Variants in ABCG1 observed in about 807,000 individuals in gnomAD.
ABCG1 encodes ATP binding cassette subfamily G member 1, also known as ATP-binding cassette sub-family G member 1.
In ABCG1, 29 loss-of-function variants were observed where a neutral mutation model predicts 69.2. That is an observed-to-expected ratio of 0.42 (90% CI 0.31 to 0.57). ABCG1 has a LOEUF of 0.57. Among genes scored for constraint, ABCG1 ranks in the 20% least tolerant of loss-of-function variants. ABCG1 has a pLI of 0.15. For synonymous variants in ABCG1, 370 were observed against 374.8 expected (o/e 0.99, Z 0.15); for missense variants, 718 against 898.1 (o/e 0.80, Z 2.56).
At chr21:42,210,286 T>C (rs962945860) in intron 2 of ABCG1, among the ~76,000 whole-genome samples, 2 of 152,286 alleles carry the variant, frequency 1.3e-5, no homozygotes, top group South Asian at 2.1e-4. Context: ...GGTTGAGTTC[T>C]ATGGTTGACC....
At chr21:42,253,465 T>G (rs2068255254) in intron 2 of ABCG1, among the ~76,000 whole-genome samples, 1 of 152,232 alleles carries the variant, frequency 6.6e-6, no homozygotes, top group Non-Finnish European at 1.5e-5. Context: ...CAAGAGCTGC[T>G]TTGGGTCTTG....
chr21:42,265,932 C>CCTGGACAGGGTTCTTCTCT (rs2068497434), intron 2 of ABCG1, among the ~76,000 whole-genome samples: 1 of 152,196 alleles, frequency 6.6e-6, no homozygotes, highest in Non-Finnish European at 1.5e-5. Flanking sequence ...GCCTCCCCTT[C>CCTGGACAGGGTTCTTCTCT]CTGGACAGGG....
At chr21:42,254,696 AG>A (rs2068274725) in intron 2 of ABCG1, among the ~76,000 whole-genome samples, 1 of 152,286 alleles carries the variant, frequency 6.6e-6, no homozygotes. Context: ...TAGAGTAAAA[AG>A]GAAATGTCAC....
intron 1 of ABCG1, among the ~76,000 whole-genome samples, chr21:42,221,502 A>T (rs554340292): frequency 9.2e-5 from 14 of 152,294 alleles, no homozygotes; most frequent in Non-Finnish European, 1.8e-4. Flanking sequence ...TTCGGTGGGC[A>T]TACAAGGGGT....
chr21:42,273,550 C>T lies in ABCG1; in HGVS notation c.537+115C>T, dbSNP rs1328635839. 3.8e-5 allele frequency: 49 copies of T among 1,281,934 alleles called. No homozygotes were observed. Among genetic ancestry groups the T allele is most frequent in the Non-Finnish European group, 4.5e-5 (42 of 943,670 alleles). 79.4% of individuals were successfully genotyped at this position (1,281,934 alleles called of 1,614,324 possible). A position where few individuals can be genotyped will look rare whatever the true frequency, so the allele number is the denominator to read the frequency against. On this transcript the variant is annotated intron_variant, in intron 4 of 14. Coordinates refer to ENST00000398449, the MANE Select transcript of ABCG1 (RefSeq NM_016818.3). The surrounding 1 kb of genome is among the most constrained non-coding windows in gnomAD (Gnocchi z 5.3). ...CGAGGGACCCAAGGGCTCTGCCACG[C>T]GGCCTGCACAGGGCCAGCAACCTCC...
chr21:42,211,442 C>T (rs2067588517), upstream of ABCG1, among the ~76,000 whole-genome samples: 1 of 152,110 alleles, frequency 6.6e-6, no homozygotes, highest in African/African-American at 2.4e-5. Flanking sequence ...TTTCTCCACT[C>T]ACCTTTCCCT....
In ABCG1 at chr21:42,288,312, G is replaced by T; in HGVS notation, c.1224G>T (p.Ser408=). 1.3e-6 allele frequency: 2 copies of T among 1,589,612 alleles called. No individual in the cohort carries two copies. Among genetic ancestry groups the T allele is most frequent in the East Asian group, 2.3e-5 (1 of 44,150 alleles). The stretch of plus-strand genomic sequence containing the variant: ...CCTTCCTCAGCATCATGAGGGACTC[G>T]GTAAGGCTGCCCGCATCTTCTCCTG... ...KRTFLSIMRD[S]VLTHLRITSH... is the part of the protein sequence containing the mutation. The change falls in exon 10 of 15, where the codon TCG becomes TCT. Residue 408 remains serine, a splice_region_variant and synonymous_variant. Coordinates refer to ENST00000398449, the MANE Select transcript of ABCG1 (RefSeq NM_016818.3). The surrounding 1 kb of genome is among the most constrained non-coding windows in gnomAD (Gnocchi z 4.8).
chr21:42,287,820 C>T lies in ABCG1; in HGVS notation c.974-69C>T. On this transcript the variant is annotated intron_variant, in intron 8 of 14. Coordinates refer to ENST00000398449, the MANE Select transcript of ABCG1 (RefSeq NM_016818.3). This position sits in a 1 kb window ranked among gnomAD's most constrained non-coding sequence, Gnocchi z 6.2. ...TAAAACATTCCCACTTGAATAACGA[C>T]TTTCGCATTTGGGTGGTTGGGGTGT... 1.4e-6 allele frequency: 2 copies of T among 1,467,448 alleles called. No individual in the cohort carries two copies. The allele number at this position is 1,467,448 out of a possible 1,614,324, so 90.9% of individuals were successfully genotyped here.
Position 42,290,113 on chromosome 21 carries a change from T to C in ABCG1, c.1288T>C (p.Leu430=). 3 of 1,614,218 alleles carry C rather than the reference T, an allele frequency of 1.9e-6. No individual in the cohort carries two copies. Among genetic ancestry groups the C allele is most frequent in the Non-Finnish European group, 2.5e-6 (3 of 1,180,044 alleles). The change falls in exon 11 of 15, where the codon TTG becomes CTG. Residue 430 remains leucine, a synonymous_variant. Transcript: ENST00000398449. The part of the protein sequence containing the change: ...GIGLLIGLLY[L]GIGNEAKKVL... ...CGGCCTCCTCATTGGCCTGCTGTAC[T>C]TGGGGATCGGGAACGAAGCCAAGAA...
Position 42,288,146 on chromosome 21 carries a change from C to T in ABCG1, c.1123-65C>T, listed in dbSNP as rs573463064. 217 of 1,610,734 alleles carry T rather than the reference C, an allele frequency of 1.3e-4. No individual in the cohort carries two copies. In the African/African-American group the frequency reaches 2.2e-3, roughly 17 times the overall value. On this transcript the variant is annotated intron_variant, in intron 9 of 14. Transcript: ENST00000398449. This position sits in a 1 kb window ranked among gnomAD's most constrained non-coding sequence, Gnocchi z 4.8. ...TGCACTGCTGCATGAGAGCTCTTTC[C>T]GAGCAAGAAGGAGCCGTGGCTCCGG...
At chr21:42,241,182 G>A (rs993202097) in intron 2 of ABCG1, among the ~76,000 whole-genome samples, 5 of 152,254 alleles carry the variant, frequency 3.3e-5, no homozygotes, top group Admixed American at 1.3e-4. Flanking sequence ...TTCTGACGGA[G>A]GTGACCCTGG....
At chr21:42,259,804 C>T (rs2056478357) in intron 2 of ABCG1, among the ~76,000 whole-genome samples, 1 of 152,186 alleles carries the variant, frequency 6.6e-6, no homozygotes, top group Non-Finnish European at 1.5e-5. Flanking sequence ...GGTGTTTTCT[C>T]ATTAGCCCAT....
At chr21:42,241,720 C>T (rs965688822) in intron 2 of ABCG1, among the ~76,000 whole-genome samples, 6 of 151,732 alleles carry the variant, frequency 4.0e-5, no homozygotes, top group African/African-American at 1.2e-4. Context: ...GGTGCAGTAG[C>T]TCACACCTGT....
intron 2 of ABCG1, among the ~76,000 whole-genome samples, chr21:42,255,611 C>T (rs2068291514): frequency 6.6e-6 from 1 of 152,232 alleles, no homozygotes; most frequent in South Asian, 2.1e-4. Flanking sequence ...GCTGAAACGC[C>T]AGTTAGAATT....
chr21:42,264,830 G>A (rs1369854820), intron 2 of ABCG1, among the ~76,000 whole-genome samples: 5 of 152,154 alleles, frequency 3.3e-5, no homozygotes, highest in Non-Finnish European at 7.4e-5. Flanking sequence ...GGTGTGCTCT[G>A]GGGAGCTCTC....
chr21:42,292,941 AAC>A (rs1313302482), intron 13 of ABCG1, among the ~76,000 whole-genome samples: 4 of 112,868 alleles, frequency 3.5e-5, no homozygotes, highest in African/African-American at 1.4e-4. Context: ...CCACACACTA[AAC>A]ACATACGACA....
intron 2 of ABCG1, chr21:42,256,011 C>T: frequency 4.0e-6 from 2 of 498,212 alleles, no homozygotes; most frequent in Non-Finnish European, 6.2e-6. Flanking sequence ...CAGGGAGCCC[C>T]TAGAGCAGTA....
intron 2 of ABCG1, among the ~76,000 whole-genome samples, chr21:42,265,273 G>T (rs1165201877): frequency 6.6e-6 from 1 of 152,204 alleles, no homozygotes; most frequent in African/African-American, 2.4e-5. Flanking sequence ...ATTGTGCTCT[G>T]CTGTGGGTTG....
At chr21:42,268,327 G>A (rs1569227874) in intron 2 of ABCG1, among the ~76,000 whole-genome samples, 1 of 151,782 alleles carries the variant, frequency 6.6e-6, no homozygotes, top group Non-Finnish European at 1.5e-5. Flanking sequence ...AGGACTCTGC[G>A]GGGAGGGTGA....
Sources: allele counts gnomAD v4.1 joint callset (sites outside exome capture counted in the v4.1 genomes callset), GRCh38; gene constraint gnomAD v4.1.1; non-coding constraint Gnocchi (gnomAD v3.1); transcripts MANE v1.5; gene names NCBI Gene and HGNC (gene_info 2026-07-23, HGNC 2026-07-21).